Variants in APBB2 observed in about 807,000 individuals in gnomAD.
APBB2 encodes the protein amyloid beta precursor protein binding family B member 2, also known as Fe65-like 1.
In APBB2, 38 loss-of-function variants were observed where a neutral mutation model predicts 82.5. The ratio of observed to expected loss-of-function variants is 0.46; its 90% confidence interval spans 0.36 to 0.60. The LOEUF (loss-of-function observed/expected upper bound fraction) is 0.60, where lower values mean the gene tolerates loss of function less well. APBB2 is among the 20% of genes least tolerant of loss of function. The pLI is 0.00. For missense variants in APBB2, 772 were observed against 972.3 expected, an observed-to-expected ratio of 0.79 and a Z score of 2.74; for synonymous variants, 341 against 368.2, an observed-to-expected ratio of 0.93 and a Z score of 0.85.
intron 4 of APBB2, among the ~76,000 whole-genome samples, chr4:41,033,584 T>A (rs1031824716): frequency 7.6e-6 from 1 of 130,770 alleles, no homozygotes; most frequent in African/African-American, 3.0e-5. Flanking sequence ...CTTTTTCTCA[T>A]CACACACACA....
chr4:40,984,318 G>A (rs1298725346), intron 6 of APBB2, among the ~76,000 whole-genome samples: 3 of 152,078 alleles, frequency 2.0e-5, no homozygotes, highest in African/African-American at 7.2e-5. Context: ...GCCCAGAGTC[G>A]GTTACCTTTT....
At chr4:41,100,399 G>A (rs1744953128) in intron 3 of APBB2, among the ~76,000 whole-genome samples, 1 of 151,494 alleles carries the variant, frequency 6.6e-6, no homozygotes, top group African/African-American at 2.4e-5. Flanking sequence ...ACAACCTTGA[G>A]GACTCAGTTT....
chr4:40,911,267 G>A lies in APBB2; in HGVS notation c.1255-17856C>T, dbSNP rs536058087. On this transcript the variant is annotated intron_variant, in intron 10 of 17. Transcript: ENST00000508593. ...GGACAACTGTGAGACTTGAGTATGCGTGGATCTGGTATACTCGGGGGTCCT... is the reference window on the plus strand; with the variant it reads ...GGACAACTGTGAGACTTGAGTATGCATGGATCTGGTATACTCGGGGGTCCT... Among the ~76,000 whole-genome samples, 31 of 152,170 alleles carry A rather than the reference G, an allele frequency of 2.0e-4. 1 individual carries two copies. Among genetic ancestry groups the A allele is most frequent in the East Asian group, 5.8e-4 (3 of 5,200 alleles).
At position 40,890,349 on chromosome 4, in the gene APBB2, C is replaced by T. The variant is rs981889927; in HGVS notation, c.1529+15G>A. The stretch of plus-strand genomic sequence containing the variant: ...ACGGGTGAGGTGACCCAGACTGCCC[C>T]ACCCAGGGACTCACCGGCCATTGTC... On this transcript the variant is annotated intron_variant, in intron 12 of 17. Transcript: ENST00000508593. The T allele has an allele frequency of 6.2e-7, 1 of 1,609,418 alleles. No homozygotes were observed. The highest frequency in any genetic ancestry group is 1.3e-5 in the African/African-American group (1 of 74,890).
chr4:41,145,030 A>G (rs1396685891), intron 1 of APBB2, among the ~76,000 whole-genome samples: 2 of 152,202 alleles, frequency 1.3e-5, no homozygotes, highest in African/African-American at 4.8e-5. Context: ...TGAGGTGGGA[A>G]GGTCACTACA....
In APBB2 at chr4:41,196,414, C is replaced by A; in HGVS notation, c.-417+17991G>T. Among the ~76,000 whole-genome samples, 3 of 152,146 alleles carry A rather than the reference C, an allele frequency of 2.0e-5. No homozygotes were observed. In the South Asian group the frequency reaches 6.2e-4, roughly 32 times the overall value. ...TGGATGAATACATAGGTAACCTTTG[C>A]CCAGCCACTTATTATCGCAAAGATT... On this transcript the variant is annotated intron_variant, in intron 1 of 17. Transcript: ENST00000508593.
chr4:41,100,663 C>T lies in APBB2; in HGVS notation c.-173G>A, dbSNP rs1467677055. 6.6e-6 allele frequency: 1 copy of T among 152,134 alleles called. No individual in the cohort carries two copies. The highest frequency in any genetic ancestry group is 1.5e-5 in the Non-Finnish European group (1 of 68,020). The allele number at this position is 152,134 out of a possible 1,614,324, so 9.4% of individuals were successfully genotyped here. A position where few individuals can be genotyped will look rare whatever the true frequency, so the allele number is the denominator to read the frequency against. On this transcript the variant is annotated 5_prime_UTR_variant, in exon 3 of 18. Transcript: ENST00000508593. Reference sequence around the variant, plus strand: ...CTTTTCCCAGGTCTTTGGTACAAAGCTCAGAAGGCAAGCTCCTTTTTTTCC... The same window carrying T: ...CTTTTCCCAGGTCTTTGGTACAAAGTTCAGAAGGCAAGCTCCTTTTTTTCC...
chr4:41,150,152 T>G (rs2154027022), intron 1 of APBB2, among the ~76,000 whole-genome samples: 1 of 152,348 alleles, frequency 6.6e-6, no homozygotes, highest in African/African-American at 2.4e-5. Flanking sequence ...TGTATTTTAC[T>G]TAATGAGAAA....
At chr4:40,911,706 T>G (rs1184718270) in intron 10 of APBB2, among the ~76,000 whole-genome samples, 1 of 152,140 alleles carries the variant, frequency 6.6e-6, no homozygotes, top group Non-Finnish European at 1.5e-5. Context: ...TCAACAGAGG[T>G]GCATCCTGAG....
intron 6 of APBB2, among the ~76,000 whole-genome samples, chr4:40,961,509 G>C (rs1793203644): frequency 1.1e-5 from 1 of 93,326 alleles, no homozygotes; most frequent in Non-Finnish European, 2.0e-5. Flanking sequence ...TGGGGGGAGG[G>C]GGGAGGGATA....
At chr4:40,861,673 G>A (rs1296432848) in intron 12 of APBB2, among the ~76,000 whole-genome samples, 1 of 152,162 alleles carries the variant, frequency 6.6e-6, no homozygotes, top group Non-Finnish European at 1.5e-5. Context: ...TGGAATGAAG[G>A]CAGTTTTTAA....
rs34433911 is a variant in APBB2 at position 40,858,454 on chromosome 4, C to CAAAAAAAAAAAAAAAAAAAAAAAAAAA, written c.1530-27878_1530-27877insTTTTTTTTTTTTTTTTTTTTTTTTTTT. Among the ~76,000 whole-genome samples the CAAAAAAAAAAAAAAAAAAAAAAAAAAA allele has an allele frequency of 1.1e-3, 64 of 57,716 alleles. 2 individuals are homozygous for CAAAAAAAAAAAAAAAAAAAAAAAAAAA. The highest frequency in any genetic ancestry group is 1.5e-3 in the Non-Finnish European group (49 of 32,736). The allele number at this position is 57,716 out of a possible 152,430, so 37.9% of individuals were successfully genotyped here. A position where few individuals can be genotyped will look rare whatever the true frequency, so the allele number is the denominator to read the frequency against. ...TGAGTGACAGAGTGAGAGTCCGTCT[C>CAAAAAAAAAAAAAAAAAAAAAAAAAAA]AAAAAAAAAAAAAAAAAAAAAAAAG... On this transcript the variant is annotated intron_variant, in intron 12 of 17. Coordinates refer to ENST00000508593, the MANE Select transcript of APBB2 (RefSeq NM_004307.2).
chr4:41,136,948 G>A (rs1757738376), intron 2 of APBB2, among the ~76,000 whole-genome samples: 1 of 152,090 alleles, frequency 6.6e-6, no homozygotes, highest in African/African-American at 2.4e-5. Context: ...TAACGCAGTT[G>A]TAACTAAAGA....
In APBB2 at chr4:41,160,404, G is replaced by A. The variant is rs528668100; in HGVS notation, c.-416-17262C>T. On this transcript the variant is annotated intron_variant, in intron 1 of 17. Transcript: ENST00000508593. Reference sequence around the variant, plus strand: ...TTTTTAAATATTAGATAAACCAGACGCAGGGAAATTTTCTCTCCAGAATGC... The same window carrying A: ...TTTTTAAATATTAGATAAACCAGACACAGGGAAATTTTCTCTCCAGAATGC... 3.5e-4 allele frequency among the ~76,000 whole-genome samples: 53 copies of A among 152,258 alleles called. 1 individual carries two copies. The highest frequency in any genetic ancestry group is 3.4e-3 in the Middle Eastern group (1 of 294).
intron 2 of APBB2, 77 bp from the exon 3 acceptor site, chr4:41,100,827 T>C (rs1745097479): frequency 6.6e-6 from 1 of 152,206 alleles, no homozygotes; most frequent in South Asian, 2.1e-4. Context: ...CCGACTGTCA[T>C]TCAGAGTATC....
chr4:41,067,044 T>C (rs1479129634), intron 3 of APBB2, among the ~76,000 whole-genome samples: 1 of 152,104 alleles, frequency 6.6e-6, no homozygotes, highest in Non-Finnish European at 1.5e-5. Context: ...TTATTACACA[T>C]GGGTGGATGG....
chr4:40,938,355 G>T (rs1785918255), intron 7 of APBB2, among the ~76,000 whole-genome samples: 2 of 152,184 alleles, frequency 1.3e-5, no homozygotes, highest in South Asian at 4.1e-4. Context: ...AATGCCCGGG[G>T]TATGGCACTC....
At chr4:40,907,382 T>A (rs1437025466) in intron 10 of APBB2, among the ~76,000 whole-genome samples, 389 of 51,712 alleles carry the variant, frequency 7.5e-3, no homozygotes, top group Non-Finnish European at 8.8e-3. Flanking sequence ...TATATATATT[T>A]TTTTTTTTTT....
chr4:40,854,917 A>AC lies in APBB2; in HGVS notation c.1530-24341dup, dbSNP rs1182715035. ...GATAGTTTTGTAACAAACTGGAATT[A>AC]CCCCATTGAAATCAACAATGCCAAT... On this transcript the variant is annotated intron_variant, in intron 12 of 17. Coordinates refer to ENST00000508593, the MANE Select transcript of APBB2 (RefSeq NM_004307.2). Among the ~76,000 whole-genome samples, 4 of 152,220 alleles carry AC rather than the reference A, an allele frequency of 2.6e-5. No individual in the cohort carries two copies. In the East Asian group the frequency reaches 5.8e-4, roughly 22 times the overall value.
Sources: gnomAD v4.1 joint callset for allele counts (sites outside exome capture counted in the v4.1 genomes callset) on GRCh38, gnomAD v4.1.1 for gene constraint, MANE v1.5 for transcripts, NCBI Gene and HGNC (gene_info 2026-07-23, HGNC 2026-07-21) for gene names.